Variants in CIT observed in about 807,000 individuals in gnomAD.
The protein encoded by CIT is citron Rho-interacting kinase.
In CIT, 79 loss-of-function variants were observed where a neutral mutation model predicts 272.7. The ratio of observed to expected loss-of-function variants is 0.29; its 90% confidence interval spans 0.24 to 0.35. The LOEUF is 0.35. Ranked by LOEUF, CIT falls within the 10% of genes least tolerant of loss-of-function variation. The probability of loss-of-function intolerance (pLI) is 1.00; values close to 1 mark genes in which losing one functional copy is unlikely to be tolerated. For synonymous variants in CIT, 948 were observed against 995.6 expected, an observed-to-expected ratio of 0.95 and a Z score of 0.90; for missense variants, 1,909 against 2,618.3, an observed-to-expected ratio of 0.73 and a Z score of 5.91.
intron 19 of CIT, among the ~76,000 whole-genome samples, chr12:119,764,916 C>T (rs896750355): frequency 6.6e-6 from 1 of 151,962 alleles, no homozygotes; most frequent in Non-Finnish European, 1.5e-5. Context: ...AAGAGATTCT[C>T]GTGTCTCAGC....
At position 119,700,728 on chromosome 12, in the gene CIT, C is replaced by T. The variant is rs1478720004; in HGVS notation, c.5623+17G>A. On this transcript the variant is annotated intron_variant, in intron 44 of 47. Coordinates refer to ENST00000392521, the MANE Select transcript of CIT (RefSeq NM_001206999.2). ...GCTGCTGGCAAAAGAGAAGCCCCCA[C>T]ACTGAGCCTCACGTACCAAAGGCCA... 6.2e-7 allele frequency: 1 copy of T among 1,603,570 alleles called. No homozygotes were observed. Among genetic ancestry groups the T allele is most frequent in the South Asian group, 1.1e-5 (1 of 90,886 alleles).
chr12:119,810,706 G>GA (rs5801367), intron 9 of CIT, among the ~76,000 whole-genome samples: 2,683 of 100,184 alleles, frequency 0.027, 80 homozygotes, highest in African/African-American at 0.075. Context: ...CATCATCTCA[G>GA]AAAAAAAAAA....
chr12:119,845,240 A>C (rs1400169536), intron 5 of CIT, among the ~76,000 whole-genome samples: 3 of 152,160 alleles, frequency 2.0e-5, no homozygotes, highest in Admixed American at 2.0e-4. Flanking sequence ...TCATTGGGGA[A>C]GCCTCCTACA....
At chr12:119,744,987 T>C (rs549301167) in intron 23 of CIT, among the ~76,000 whole-genome samples, 1 of 152,004 alleles carries the variant, frequency 6.6e-6, no homozygotes, top group South Asian at 2.1e-4. Context: ...CAACTTCAAG[T>C]AGCCTAACAT....
chr12:119,851,916 C>T (rs1346596557), intron 4 of CIT, among the ~76,000 whole-genome samples: 2 of 152,088 alleles, frequency 1.3e-5, no homozygotes, highest in African/African-American at 4.8e-5. Context: ...GCTTACAGTC[C>T]CAGTTACTCA....
rs543278798 is a variant in CIT at position 119,845,863 on chromosome 12, C to T, written c.516+4311G>A. 3.5e-3 allele frequency among the ~76,000 whole-genome samples: 523 copies of T among 151,126 alleles called. 3 individuals carry two copies. Among genetic ancestry groups the T allele is most frequent in the African/African-American group, 0.012 (508 of 41,084 alleles). ...TACTCGGGAGGCTGAGGCAGGAGAACCCGGGAGGCAGAGGTTGCAGTGAGC... is the reference window on the plus strand; with the variant it reads ...TACTCGGGAGGCTGAGGCAGGAGAATCCGGGAGGCAGAGGTTGCAGTGAGC... On this transcript the variant is annotated intron_variant, in intron 5 of 47. Transcript: ENST00000392521.
intron 5 of CIT, 59 bp downstream of exon 5, chr12:119,850,115 C>G: frequency 9.6e-7 from 1 of 1,037,396 alleles, no homozygotes; most frequent in Admixed American, 1.7e-5. Context: ...AGTTCTACCA[C>G]AGGCATCTGA....
intron 47 of CIT, among the ~76,000 whole-genome samples, chr12:119,688,856 C>A (rs1955745039): frequency 6.6e-6 from 1 of 152,220 alleles, no homozygotes; most frequent in Non-Finnish European, 1.5e-5. Flanking sequence ...TCCAGAAAAA[C>A]AATTTATATA....
chr12:119,858,192 C>A (rs1194405699), intron 3 of CIT, among the ~76,000 whole-genome samples: 2 of 152,120 alleles, frequency 1.3e-5, no homozygotes, highest in East Asian at 3.9e-4. Context: ...TCCATAAAGC[C>A]TTCGTAGATC....
chr12:119,693,320 AC>A (rs1314569205), intron 46 of CIT, among the ~76,000 whole-genome samples: 1 of 152,222 alleles, frequency 6.6e-6, no homozygotes, highest in Non-Finnish European at 1.5e-5. Flanking sequence ...CAGAAAGCCA[AC>A]CTTCTACATT....
intron 4 of CIT, among the ~76,000 whole-genome samples, chr12:119,856,778 C>A (rs1950183719): frequency 6.6e-6 from 1 of 152,214 alleles, no homozygotes; most frequent in South Asian, 2.1e-4. Context: ...TAAGCACCTG[C>A]TTTATACATT....
Position 119,718,199 on chromosome 12 carries a change from CAT to C in CIT, c.4168+44_4168+45del, listed in dbSNP as rs775579956. On this transcript the variant is annotated intron_variant, in intron 32 of 47. Coordinates refer to ENST00000392521, the MANE Select transcript of CIT (RefSeq NM_001206999.2). The surrounding 1 kb of genome is among the most constrained non-coding windows in gnomAD (Gnocchi z 4.8). ...ACTTGTAATTTTTACCATATGCCCA[CAT>C]GTCTTAGTCGACTAAAAGAAATTTC... 42 of 1,566,394 alleles carry C rather than the reference CAT, an allele frequency of 2.7e-5. No individual in the cohort carries two copies. Among genetic ancestry groups the C allele is most frequent in the Admixed American group, 5.6e-5 (3 of 53,978 alleles).
chr12:119,734,741 T>C (rs1214169021), intron 25 of CIT, among the ~76,000 whole-genome samples: 2 of 152,058 alleles, frequency 1.3e-5, no homozygotes, highest in African/African-American at 4.8e-5. Context: ...GGTTCAAGCG[T>C]TCCTCCCGCC....
In CIT at chr12:119,711,513, T is replaced by C. The variant is rs542914849; in HGVS notation, c.4854+665A>G. 2.6e-5 allele frequency among the ~76,000 whole-genome samples: 4 copies of C among 152,334 alleles called. No homozygotes were observed. In the East Asian group the frequency reaches 7.7e-4, roughly 29 times the overall value. ...TTGTGCTGCTTCGTGGCCAAAGTGC[T>C]TCTAACTCAAGCCTTCAAACCAGAC... On this transcript the variant is annotated intron_variant, in intron 37 of 47. Coordinates refer to ENST00000392521, the MANE Select transcript of CIT (RefSeq NM_001206999.2).
chr12:119,782,740 T>C, intron 12 of CIT, 103 bp from the exon 13 acceptor site: 1 of 1,402,512 alleles, frequency 7.1e-7, no homozygotes, highest in Non-Finnish European at 9.6e-7. Flanking sequence ...ACCAGGACAG[T>C]TTCGAGTGAC....
At chr12:119,771,894 G>A (rs552423918) in intron 17 of CIT, among the ~76,000 whole-genome samples, 10 of 152,276 alleles carry the variant, frequency 6.6e-5, no homozygotes, top group African/African-American at 1.7e-4. Context: ...CTGGAATGAC[G>A]AGATGAATGA....
intron 7 of CIT, 86 bp from the exon 8 acceptor site, chr12:119,825,454 G>T: frequency 8.1e-7 from 1 of 1,238,416 alleles, no homozygotes; most frequent in Non-Finnish European, 1.2e-6. Context: ...GACACAAGCT[G>T]ATTTGCCACT....
intron 13 of CIT, among the ~76,000 whole-genome samples, chr12:119,778,561 G>A (rs1963998847): frequency 6.6e-6 from 1 of 152,160 alleles, no homozygotes; most frequent in African/African-American, 2.4e-5. Flanking sequence ...GACTGAGCAA[G>A]GATATTCTTT....
chr12:119,781,146 C>T (rs1181837018), intron 13 of CIT, among the ~76,000 whole-genome samples: 2 of 152,218 alleles, frequency 1.3e-5, no homozygotes, highest in East Asian at 3.8e-4. Flanking sequence ...ATAAAAGGAG[C>T]ATGAGTCAAC....
Sources: allele counts gnomAD v4.1 joint callset (sites outside exome capture counted in the v4.1 genomes callset), GRCh38; gene constraint gnomAD v4.1.1; non-coding constraint Gnocchi (gnomAD v3.1); transcripts MANE v1.5; gene names NCBI Gene and HGNC (gene_info 2026-07-23, HGNC 2026-07-21).